PCDHGB5: variants seen among roughly 807,000 people sequenced by gnomAD.
PCDHGB5 encodes the protein protocadherin gamma subfamily B, 5, also known as protocadherin gamma-B5.
PCDHGB5 carries 48 observed loss-of-function variants against 62.9 expected under a neutral mutation model. That is an observed-to-expected ratio of 0.76 (90% CI 0.61 to 0.97). The LOEUF (loss-of-function observed/expected upper bound fraction) is 0.97, where lower values mean the gene tolerates loss of function less well. Ranked by LOEUF, PCDHGB5 falls within the 50% of genes least tolerant of loss-of-function variation. PCDHGB5 has a pLI of 0.00. For missense variants in PCDHGB5, 1,118 were observed against 1,198.6 expected (o/e 0.93, Z 0.99); for synonymous variants, 474 against 511.2 (o/e 0.93, Z 0.98).
intron 1 of PCDHGB5, chr5:141,416,864 G>C (rs2096066198): frequency 6.6e-6 from 1 of 151,862 alleles, no homozygotes; most frequent in Admixed American, 6.6e-5. Flanking sequence ...TTTCAGGTCA[G>C]TCAACATTTG....
At chr5:141,439,622 TCC>T (rs1374759651) in intron 1 of PCDHGB5, among the ~76,000 whole-genome samples, 1 of 152,134 alleles carries the variant, frequency 6.6e-6, no homozygotes, top group Non-Finnish European at 1.5e-5. Context: ...AATGAGCCAA[TCC>T]CCAGACATTC....
chr5:141,417,899 C>G lies in PCDHGB5; in HGVS notation c.2397+17375C>G, dbSNP rs781294504. On this transcript the variant is annotated intron_variant, in intron 1 of 3. Transcript: ENST00000617380. ...CGCGCAGAGGCGCCGGGCCGGCCCG[C>G]GGCAGGTACTATTTCCTTTGCTGCT... 2.0e-5 allele frequency: 31 copies of G among 1,581,354 alleles called. 2 individuals carry two copies. In the South Asian group the frequency reaches 3.4e-4, roughly 17 times the overall value.
chr5:141,408,442 G>A lies in PCDHGB5; in HGVS notation c.2397+7918G>A, dbSNP rs774397781. On this transcript the variant is annotated intron_variant, in intron 1 of 3. Transcript: ENST00000617380. ...AGCTGCACTTCAGCGTAGACGCGGA[G>A]AGCGGGGACTTACTTGTGAAGAACC... is the stretch of plus-strand genomic sequence containing the variant. 8.7e-6 allele frequency: 14 copies of A among 1,614,080 alleles called. 1 individual carries two copies. The South Asian group carries it at 1.5e-4, about 18-fold the overall frequency.
chr5:141,505,803 C>A (rs920849273), intron 3 of PCDHGB5, among the ~76,000 whole-genome samples: 2 of 152,234 alleles, frequency 1.3e-5, no homozygotes, highest in African/African-American at 4.8e-5. Flanking sequence ...GGACTTGGAT[C>A]GACTTGCTCA....
intron 2 of PCDHGB5, among the ~76,000 whole-genome samples, chr5:141,499,265 C>T (rs1220250999): frequency 6.6e-6 from 1 of 152,128 alleles, no homozygotes; most frequent in African/African-American, 2.4e-5. Context: ...CATTTGGTCC[C>T]TAGACTGTTC....
intron 1 of PCDHGB5, among the ~76,000 whole-genome samples, chr5:141,482,238 A>G (rs560354311): frequency 8.5e-5 from 13 of 152,304 alleles, no homozygotes; most frequent in African/African-American, 2.9e-4. Context: ...TTGCCAATAT[A>G]AGTATAGTAC....
chr5:141,432,069 A>T lies in PCDHGB5; in HGVS notation c.2397+31545A>T. ...ACCCCGCCCCTATCCACGGAAACTC[A>T]TATCTCGCTGAACGTGGCAGACACC... is the stretch of plus-strand genomic sequence containing the variant. On this transcript the variant is annotated intron_variant, in intron 1 of 3. Coordinates refer to ENST00000617380, the MANE Select transcript of PCDHGB5 (RefSeq NM_018925.3). This position sits in a 1 kb window ranked among gnomAD's most constrained non-coding sequence, Gnocchi z 6.0. The T allele has an allele frequency of 6.2e-7, 1 of 1,614,168 alleles. No homozygotes were observed. The highest frequency in any genetic ancestry group is 8.5e-7 in the Non-Finnish European group (1 of 1,180,038).
At chr5:141,439,126 G>A (rs2098089550) in intron 1 of PCDHGB5, among the ~76,000 whole-genome samples, 1 of 151,328 alleles carries the variant, frequency 6.6e-6, no homozygotes, top group African/African-American at 2.4e-5. Flanking sequence ...CCGGGAGACA[G>A]AGGTTGCAGT....
chr5:141,412,415 T>C (rs897201034), intron 1 of PCDHGB5: 5 of 152,248 alleles, frequency 3.3e-5, no homozygotes, highest in Non-Finnish European at 4.4e-5. Context: ...AGATAAAGTA[T>C]GTTTTACACA....
intron 1 of PCDHGB5, among the ~76,000 whole-genome samples, chr5:141,401,352 G>C (rs1381325058): frequency 6.6e-6 from 1 of 152,080 alleles, no homozygotes; most frequent in Non-Finnish European, 1.5e-5. Flanking sequence ...CAAAAAAAAG[G>C]AAGGAGAAGG....
intron 1 of PCDHGB5, among the ~76,000 whole-genome samples, chr5:141,468,216 T>C (rs2099160325): frequency 6.6e-6 from 1 of 150,794 alleles, no homozygotes. Flanking sequence ...TTCCAGCTAC[T>C]TGGGAGGATG....
In PCDHGB5 at chr5:141,399,663, G is replaced by C; in HGVS notation, c.1536G>C (p.Ala512=). 1 of 1,613,624 alleles carries C rather than the reference G, an allele frequency of 6.2e-7. No individual in the cohort carries two copies. Among genetic ancestry groups the C allele is most frequent in the Non-Finnish European group, 8.5e-7 (1 of 1,179,874 alleles). ...SMSAQSGVVF[A]QRAFDYEQLR... is the part of the protein sequence containing the mutation. Reference sequence around the variant, plus strand: ...GCGCGCAAAGTGGGGTGGTGTTCGCGCAGCGCGCCTTTGACTACGAGCAGC... The same window carrying C: ...GCGCGCAAAGTGGGGTGGTGTTCGCCCAGCGCGCCTTTGACTACGAGCAGC... Residue 512 remains alanine (A), a synonymous_variant, in exon 1 of 4, where the codon GCG becomes GCC. Coordinates refer to ENST00000617380, the MANE Select transcript of PCDHGB5 (RefSeq NM_018925.3).
intron 1 of PCDHGB5, chr5:141,405,463 A>C: frequency 8.5e-7 from 1 of 1,181,354 alleles, no homozygotes. Flanking sequence ...TCTGTTACCC[A>C]GGCTGGAATG....
chr5:141,467,055 C>CTTTTT (rs1193465269), intron 1 of PCDHGB5, among the ~76,000 whole-genome samples: 1 of 134,496 alleles, frequency 7.4e-6, no homozygotes, highest in Non-Finnish European at 1.6e-5. Context: ...TCAATGTTTT[C>CTTTTT]TTTTTTTTTT....
In PCDHGB5 at chr5:141,511,251, A is replaced by T. The variant is rs780892899; in HGVS notation, c.*78A>T. 2.0e-5 allele frequency: 32 copies of T among 1,571,672 alleles called. No homozygotes were observed. Among genetic ancestry groups the T allele is most frequent in the Non-Finnish European group, 2.6e-5 (30 of 1,158,828 alleles). ...TTCTCCTTACCTGCACCCAGGCCTC[A>T]GAGTTTCAGGGCTAACCCCCAGAAT... On this transcript the variant is annotated 3_prime_UTR_variant, in exon 4 of 4. Transcript: ENST00000617380.
intron 1 of PCDHGB5, among the ~76,000 whole-genome samples, chr5:141,445,441 C>T (rs1201825256): frequency 6.6e-6 from 1 of 152,152 alleles, no homozygotes; most frequent in Admixed American, 6.6e-5. Context: ...GACCTATGGA[C>T]TAAGGATGCA....
chr5:141,406,906 C>T (rs1186250719), intron 1 of PCDHGB5, among the ~76,000 whole-genome samples: 1 of 152,048 alleles, frequency 6.6e-6, no homozygotes, highest in Non-Finnish European at 1.5e-5. Flanking sequence ...CTGTTTTTAG[C>T]TATAAGGAAG....
At chr5:141,478,570 G>T (rs1255499966) in intron 1 of PCDHGB5, 1 of 1,590,156 alleles carries the variant, frequency 6.3e-7, no homozygotes, top group Admixed American at 1.8e-5. Context: ...AGTCATGCTT[G>T]ACCCTGTTAG....
Position 141,485,631 on chromosome 5 carries a change from C to T in PCDHGB5, c.2398-9176C>T. 6.2e-7 allele frequency: 1 copy of T among 1,611,764 alleles called. No homozygotes were observed. The highest frequency in any genetic ancestry group is 8.5e-7 in the Non-Finnish European group (1 of 1,178,360). Reference sequence around the variant, plus strand: ...GCAGCTCCTCCAGGACAGCGTTTCCCGTTGGAAAAGGCTCAGGATGCAGAT... The same window carrying T: ...GCAGCTCCTCCAGGACAGCGTTTCCTGTTGGAAAAGGCTCAGGATGCAGAT... On this transcript the variant is annotated intron_variant, in intron 1 of 3. Coordinates refer to ENST00000617380, the MANE Select transcript of PCDHGB5 (RefSeq NM_018925.3). The surrounding 1 kb of genome is among the most constrained non-coding windows in gnomAD (Gnocchi z 5.7).
Sources: allele counts gnomAD v4.1 joint callset (sites outside exome capture counted in the v4.1 genomes callset), GRCh38; gene constraint gnomAD v4.1.1; non-coding constraint Gnocchi (gnomAD v3.1); transcripts MANE v1.5; gene names NCBI Gene and HGNC (gene_info 2026-07-23, HGNC 2026-07-21).